Variants in GRK3 observed in about 807,000 individuals in gnomAD.
The protein encoded by GRK3 is adrenergic, beta, receptor kinase 2.
A neutral mutation model predicts 95.7 loss-of-function variants in GRK3; 54 were observed. The observed-to-expected ratio is 0.56, with a 90% CI of 0.45 to 0.71. GRK3 has a LOEUF of 0.71. Among genes scored for constraint, GRK3 ranks in the 30% least tolerant of loss-of-function variants. The probability of loss-of-function intolerance (pLI) is 0.00; values close to 1 mark genes in which losing one functional copy is unlikely to be tolerated. For synonymous variants in GRK3, 281 were observed against 290.8 expected, an observed-to-expected ratio of 0.97 and a Z score of 0.34; for missense variants, 649 against 851.2, an observed-to-expected ratio of 0.76 and a Z score of 2.96.
At position 25,709,981 on chromosome 22, in the gene GRK3, G is replaced by T. The variant is rs1367874243; in HGVS notation, c.1395+17G>T. The T allele has an allele frequency of 6.3e-7, 1 of 1,594,678 alleles. No homozygotes were observed. Among genetic ancestry groups the T allele is most frequent in the South Asian group, 1.1e-5 (1 of 90,674 alleles). ...TTACAAAAGGTACTCACTCCCTCTT[G>T]ACTCTACTTACGGTACTGCCGCCCC... On this transcript the variant is annotated intron_variant, in intron 16 of 20. Transcript: ENST00000324198.
chr22:25,685,540 C>A lies in GRK3; in HGVS notation c.826+292C>A, dbSNP rs373123121. 3.3e-5 allele frequency among the ~76,000 whole-genome samples: 5 copies of A among 152,164 alleles called. No individual in the cohort carries two copies. The East Asian group carries it at 5.8e-4, about 18-fold the overall frequency. Reference sequence around the variant, plus strand: ...TTTCTGGAATGCAGCTGGCCTAGATCTTTAATTAGCTTATTTCCTGGCCCT... The same window carrying A: ...TTTCTGGAATGCAGCTGGCCTAGATATTTAATTAGCTTATTTCCTGGCCCT... On this transcript the variant is annotated intron_variant, in intron 10 of 20. Coordinates refer to ENST00000324198, the MANE Select transcript of GRK3 (RefSeq NM_005160.4).
intron 12 of GRK3, among the ~76,000 whole-genome samples, chr22:25,691,899 G>C (rs1421760927): frequency 1.3e-5 from 2 of 152,196 alleles, no homozygotes; most frequent in East Asian, 3.8e-4. Flanking sequence ...GAGAAGGTTG[G>C]TTTCCATGTT....
chr22:25,653,334 A>G lies in GRK3; in HGVS notation c.265-8242A>G, dbSNP rs910650647. 2.0e-5 allele frequency among the ~76,000 whole-genome samples: 3 copies of G among 152,338 alleles called. No individual in the cohort carries two copies. The East Asian group carries it at 5.8e-4, about 29-fold the overall frequency. On this transcript the variant is annotated intron_variant, in intron 3 of 20. Transcript: ENST00000324198. ...TAAACACATGGATGGAAGAGGTGAT[A>G]TAATACGAACACTAACCAAAGCAAA...
chr22:25,689,640 G>A (rs774978150), intron 11 of GRK3, among the ~76,000 whole-genome samples: 19 of 152,052 alleles, frequency 1.2e-4, no homozygotes, highest in Non-Finnish European at 2.5e-4. Context: ...CATTTGGTAG[G>A]GCCCTATGTT....
chr22:25,711,022 C>A, intron 16 of GRK3, 46 bp from the exon 17 acceptor site: 1 of 1,225,074 alleles, frequency 8.2e-7, no homozygotes, highest in Non-Finnish European at 1.2e-6. Flanking sequence ...GGGACAGGGC[C>A]ATACGATCAT....
chr22:25,644,991 A>G (rs972305991), intron 3 of GRK3, among the ~76,000 whole-genome samples: 1 of 152,084 alleles, frequency 6.6e-6, no homozygotes, highest in African/African-American at 2.4e-5. Context: ...CTAGTTCTGG[A>G]GATGTGAGCA....
intron 3 of GRK3, among the ~76,000 whole-genome samples, chr22:25,651,359 T>C (rs2084829422): frequency 1.3e-5 from 2 of 152,226 alleles, no homozygotes; most frequent in South Asian, 4.1e-4. Flanking sequence ...GATTTAATCA[T>C]TAGATTTGAA....
intron 13 of GRK3, chr22:25,702,699 G>A (rs1432646592): frequency 2.7e-6 from 1 of 375,596 alleles, no homozygotes; most frequent in African/African-American, 2.1e-5. Flanking sequence ...TAAAGTAAGA[G>A]TTATCTTTAT....
At chr22:25,708,284 G>A (rs2085316188) in intron 15 of GRK3, among the ~76,000 whole-genome samples, 1 of 152,100 alleles carries the variant, frequency 6.6e-6, no homozygotes. Flanking sequence ...GGAGGTGGTA[G>A]GAAGTAGTCA....
In GRK3 at chr22:25,661,620, C is replaced by T; in HGVS notation, c.309C>T (p.Cys103=). ...TTGATAATGAGGAAGACCGCCTTTGCAGAAGTCGACAAATTTATGATGCCT... is the reference window on the plus strand; with the variant it reads ...TTGATAATGAGGAAGACCGCCTTTGTAGAAGTCGACAAATTTATGATGCCT... The part of the protein sequence containing the change: ...EKLDNEEDRL[C]RSRQIYDAYI... Residue 103 remains cysteine, a synonymous_variant, in exon 4 of 21, where the codon TGC becomes TGT. Coordinates refer to ENST00000324198, the MANE Select transcript of GRK3 (RefSeq NM_005160.4). The T allele has an allele frequency of 6.2e-7, 1 of 1,613,288 alleles. No individual in the cohort carries two copies. The highest frequency in any genetic ancestry group is 8.5e-7 in the Non-Finnish European group (1 of 1,179,520).
intron 2 of GRK3, among the ~76,000 whole-genome samples, chr22:25,619,215 A>G (rs1284227128): frequency 2.6e-5 from 4 of 152,202 alleles, no homozygotes; most frequent in African/African-American, 9.7e-5. Context: ...TAAGTCTAAG[A>G]AGCTTTAGAA....
At chr22:25,647,703 A>T in intron 3 of GRK3, 1 of 1,344,554 alleles carries the variant, frequency 7.4e-7, no homozygotes, top group South Asian at 1.2e-5. Flanking sequence ...GCAGTTATGT[A>T]GCGCCTGCAG....
chr22:25,642,209 G>C lies in GRK3; in HGVS notation c.191-2383G>C, dbSNP rs561517734. Among the ~76,000 whole-genome samples, 217 of 152,296 alleles carry C rather than the reference G, an allele frequency of 1.4e-3. 6 individuals carry two copies. The Middle Eastern group carries it at 0.027, about 19-fold the overall frequency. The stretch of plus-strand genomic sequence containing the variant: ...GCACTTTGGGAGGGCAAGGCGGGTG[G>C]ATCACCTGAGGTCAGGAGATCGAGA... On this transcript the variant is annotated intron_variant, in intron 2 of 20. Coordinates refer to ENST00000324198, the MANE Select transcript of GRK3 (RefSeq NM_005160.4).
chr22:25,708,719 T>C (rs1320019935), intron 15 of GRK3, among the ~76,000 whole-genome samples: 1 of 151,594 alleles, frequency 6.6e-6, no homozygotes, highest in Non-Finnish European at 1.5e-5. Context: ...TGGAGTGCAA[T>C]GGCACAATCT....
chr22:25,624,709 C>T (rs1392858085), intron 2 of GRK3, among the ~76,000 whole-genome samples: 1 of 152,110 alleles, frequency 6.6e-6, no homozygotes, highest in African/African-American at 2.4e-5. Context: ...TAATGTTTCC[C>T]AACTGATCCT....
chr22:25,627,996 T>C (rs1040667807), intron 2 of GRK3, among the ~76,000 whole-genome samples: 1 of 152,200 alleles, frequency 6.6e-6, no homozygotes, highest in Non-Finnish European at 1.5e-5. Flanking sequence ...GAACCTTCTA[T>C]GCAAAAGCCC....
intron 12 of GRK3, among the ~76,000 whole-genome samples, chr22:25,693,561 C>T (rs192809814): frequency 3.5e-4 from 54 of 152,244 alleles, no homozygotes; most frequent in Non-Finnish European, 7.4e-4. Context: ...TGACCTTACC[C>T]TGTCAAACTT....
intron 1 of GRK3, among the ~76,000 whole-genome samples, chr22:25,576,801 G>T (rs1013671303): frequency 5.3e-5 from 8 of 152,150 alleles, no homozygotes; most frequent in Non-Finnish European, 1.2e-4. Context: ...AATTTCAGAC[G>T]TTAGTGACAC....
chr22:25,630,217 A>G (rs562361055), intron 2 of GRK3, among the ~76,000 whole-genome samples: 1 of 152,214 alleles, frequency 6.6e-6, no homozygotes, highest in African/African-American at 2.4e-5. Flanking sequence ...GCATGCTTAC[A>G]ACCTCCCCAC....
Sources: gnomAD v4.1 joint callset for allele counts (sites outside exome capture counted in the v4.1 genomes callset) on GRCh38, gnomAD v4.1.1 for gene constraint, MANE v1.5 for transcripts, NCBI Gene and HGNC (gene_info 2026-07-23, HGNC 2026-07-21) for gene names.